FAR1: variants seen among roughly 807,000 people sequenced by gnomAD.
The protein encoded by FAR1 is fatty acyl-CoA reductase 1.
Under a neutral mutation model 61.1 loss-of-function variants are expected in FAR1, and 22 were observed. The ratio of observed to expected loss-of-function variants is 0.36; its 90% CI spans 0.26 to 0.51. FAR1 has a LOEUF of 0.51. Among genes scored for constraint, FAR1 ranks in the 20% least tolerant of loss-of-function variants. FAR1 has a pLI of 0.95. For synonymous variants in FAR1, 206 were observed against 209.7 expected, an observed-to-expected ratio of 0.98 and a Z score of 0.15; for missense variants, 359 against 626.9, an observed-to-expected ratio of 0.57 and a Z score of 4.56.
At chr11:13,680,604 A>T (rs963192218) in intron 1 of FAR1, among the ~76,000 whole-genome samples, 1 of 152,132 alleles carries the variant, frequency 6.6e-6, no homozygotes, top group African/African-American at 2.4e-5. Flanking sequence ...CAGGCATCAC[A>T]CAGTGAGAGA....
chr11:13,714,474 A>G, intron 8 of FAR1, 35 bp from the exon 9 acceptor site: 4 of 1,557,720 alleles, frequency 2.6e-6, no homozygotes, highest in Non-Finnish European at 2.6e-6. Context: ...TTACATGGTT[A>G]TTATCAAAGC....
chr11:13,728,675 T>A lies in FAR1; in HGVS notation c.1449T>A (p.Ile483=), dbSNP rs1428452784. ...ILVILIWRIF[I]ARSQMARNIW... ...TGATCCTCATCTGGCGCATTTTTAT[T>A]GCAAGATCACAAATGGCAAGAAATA... The change falls in exon 12 of 12, where the codon ATT becomes ATA. Residue 483 remains isoleucine (I), a synonymous_variant. Transcript: ENST00000354817. 6.2e-7 allele frequency: 1 copy of A among 1,612,580 alleles called. No homozygotes were observed.
At chr11:13,700,263 T>C (rs1416905597) in intron 2 of FAR1, 54 bp from the exon 3 acceptor site, 3 of 1,378,474 alleles carry the variant, frequency 2.2e-6, no homozygotes, top group Non-Finnish European at 3.0e-6. Flanking sequence ...TGATAATGAG[T>C]TTTAGAAAGT....
intron 9 of FAR1, among the ~76,000 whole-genome samples, chr11:13,717,350 C>A (rs1473494493): frequency 6.6e-6 from 1 of 152,122 alleles, no homozygotes; most frequent in Non-Finnish European, 1.5e-5. Flanking sequence ...ATACGCCCAT[C>A]ATAAATGATG....
chr11:13,696,886 C>T (rs1039160239), intron 2 of FAR1, among the ~76,000 whole-genome samples: 23 of 152,154 alleles, frequency 1.5e-4, no homozygotes, highest in African/African-American at 5.6e-4. Flanking sequence ...AGGCCAAAAG[C>T]ACATACCACC....
chr11:13,717,869 A>T (rs1848572075), intron 9 of FAR1, among the ~76,000 whole-genome samples: 1 of 152,150 alleles, frequency 6.6e-6, no homozygotes, highest in African/African-American at 2.4e-5. Flanking sequence ...CTGACCCTTG[A>T]TATAGCAGTC....
At chr11:13,723,362 CAAAAAAAAAAAA>C in intron 10 of FAR1, 1 of 254,394 alleles carries the variant, frequency 3.9e-6, no homozygotes, top group Non-Finnish European at 6.9e-6. Flanking sequence ...GAGAGTCTCT[CAAAAAAAAAAAA>C]AAAAAAAAAC....
chr11:13,688,821 G>A (rs191142324), intron 1 of FAR1, among the ~76,000 whole-genome samples: 30 of 152,080 alleles, frequency 2.0e-4, no homozygotes, highest in Admixed American at 1.2e-3. Context: ...ACATCAAACC[G>A]TTTTATTTAT....
At position 13,721,949 on chromosome 11, in the gene FAR1, A is replaced by G. The variant is rs1337638851; in HGVS notation, c.1257+90A>G. On this transcript the variant is annotated intron_variant, in intron 10 of 11. Transcript: ENST00000354817. The surrounding 1 kb of genome is among the most constrained non-coding windows in gnomAD (Gnocchi z 4.2). ...AACCTGAGAAATATTTTCCACAGCT[A>G]TTATGCAACAAGTAAGCCATTATTT... 22 of 1,048,328 alleles carry G rather than the reference A, an allele frequency of 2.1e-5. No individual in the cohort carries two copies. The highest frequency in any genetic ancestry group is 3.0e-5 in the Non-Finnish European group (22 of 737,330). The allele number at this position is 1,048,328 out of a possible 1,614,324, so 64.9% of individuals were successfully genotyped here. A position where few individuals can be genotyped will look rare whatever the true frequency, so the allele number is the denominator to read the frequency against.
chr11:13,715,306 G>A (rs182843302), intron 9 of FAR1, among the ~76,000 whole-genome samples: 182 of 152,136 alleles, frequency 1.2e-3, no homozygotes, highest in African/African-American at 4.3e-3. Context: ...GAGATCTTTG[G>A]GGACACTAAC....
intron 4 of FAR1, among the ~76,000 whole-genome samples, chr11:13,708,356 TCAAAAAAA>T (rs1244929428): frequency 1.3e-5 from 2 of 150,076 alleles, no homozygotes; most frequent in Non-Finnish European, 3.0e-5. Context: ...AAACTCTGTC[TCAAAAAAA>T]CAAAAAACAA....
At chr11:13,708,812 G>A (rs1848467665) in intron 4 of FAR1, among the ~76,000 whole-genome samples, 2 of 152,090 alleles carry the variant, frequency 1.3e-5, no homozygotes. Context: ...AGAATCAGAG[G>A]AATCATAGTC....
chr11:13,681,894 TTTATTA>T (rs1555058930), intron 1 of FAR1, among the ~76,000 whole-genome samples: 1 of 152,030 alleles, frequency 6.6e-6, no homozygotes, highest in African/African-American at 2.4e-5. Context: ...TCTGTGCTTT[TTTATTA>T]TTATTATTAT....
At chr11:13,724,025 G>A (rs1019627817) in intron 10 of FAR1, among the ~76,000 whole-genome samples, 3 of 152,032 alleles carry the variant, frequency 2.0e-5, no homozygotes, top group African/African-American at 7.2e-5. Context: ...TCTCACCCAT[G>A]GCACCTAATT....
At position 13,707,906 on chromosome 11, in the gene FAR1, T is replaced by C. The variant is rs750061409; in HGVS notation, c.372T>C (p.Ala124=). ...TVRFNENLRD[A]VQLNVIATRQ... ...ACTTTTTCTTTTTAAACAGAGATGCTGTTCAGTTAAATGTGATTGCAACGC... is the reference window on the plus strand; with the variant it reads ...ACTTTTTCTTTTTAAACAGAGATGCCGTTCAGTTAAATGTGATTGCAACGC... Residue 124 remains alanine (A), a synonymous_variant, in exon 4 of 12, where the codon GCT becomes GCC. Transcript: ENST00000354817. The C allele has an allele frequency of 3.2e-5, 49 of 1,553,388 alleles. No homozygotes were observed. Among genetic ancestry groups the C allele is most frequent in the Non-Finnish European group, 4.1e-5 (47 of 1,150,190 alleles).
chr11:13,672,862 C>G (rs964540794), intron 1 of FAR1, among the ~76,000 whole-genome samples: 2 of 152,140 alleles, frequency 1.3e-5, no homozygotes, highest in East Asian at 1.9e-4. Flanking sequence ...CACTTGTTTT[C>G]TTAGAGTTTA....
intron 8 of FAR1, among the ~76,000 whole-genome samples, chr11:13,713,678 C>T (rs1387780221): frequency 1.3e-5 from 2 of 151,920 alleles, no homozygotes; most frequent in Admixed American, 6.6e-5. Flanking sequence ...TCTTATTTAA[C>T]CTCTAATTGA....
intron 1 of FAR1, among the ~76,000 whole-genome samples, chr11:13,692,866 T>G (rs1290897794): frequency 1.3e-5 from 2 of 152,218 alleles, no homozygotes; most frequent in Admixed American, 1.3e-4. Context: ...AAATTTTTCC[T>G]TAGTTTCCTT....
chr11:13,703,025 C>T (rs10500797), intron 3 of FAR1, among the ~76,000 whole-genome samples: 35,440 of 152,098 alleles, frequency 0.23, 4,417 homozygotes, highest in Middle Eastern at 0.36. Flanking sequence ...ACTGACCTAG[C>T]CCTTGTCATT....
Sources: gnomAD v4.1 joint callset for allele counts (sites outside exome capture counted in the v4.1 genomes callset) on GRCh38, gnomAD v4.1.1 for gene constraint, Gnocchi (gnomAD v3.1) non-coding constraint, MANE v1.5 for transcripts, NCBI Gene and HGNC (gene_info 2026-07-23, HGNC 2026-07-21) for gene names.